The following BMERB1 variants were observed in gnomAD, a reference collection of about 807,000 sequenced individuals.
The protein encoded by BMERB1 is bMERB domain-containing protein 1.
Under a neutral mutation model 23.6 loss-of-function variants are expected in BMERB1, and 12 were observed. The observed-to-expected ratio is 0.51, with a 90% CI of 0.33 to 0.82. The LOEUF is 0.82. Ranked by LOEUF, BMERB1 falls within the 40% of genes least tolerant of loss-of-function variation. The probability of loss-of-function intolerance (pLI) is 0.03; values close to 1 mark genes in which losing one functional copy is unlikely to be tolerated. For synonymous variants in BMERB1, 122 were observed against 96.6 expected (o/e 1.26, Z -1.54); for missense variants, 247 against 255.4 (o/e 0.97, Z 0.22).
At chr16:15,517,381 T>C (rs576160847) in intron 2 of BMERB1, among the ~76,000 whole-genome samples, 1 of 152,210 alleles carries the variant, frequency 6.6e-6, no homozygotes, top group East Asian at 1.9e-4. Context: ...TGTGGTGGCG[T>C]GCGCCTATAA....
rs138674432 is a variant in BMERB1 at position 15,436,756 on chromosome 16, T to G, written c.106+1997T>G. ...TGTATCTCCATGAGGGTCTCTTGTT[T>G]CTTACAAGCTCAAAATAATCTCAAC... On this transcript the variant is annotated intron_variant, in intron 1 of 5. Transcript: ENST00000300006. 6.0e-3 allele frequency among the ~76,000 whole-genome samples: 908 copies of G among 152,148 alleles called. 13 individuals are homozygous for G. The highest frequency in any genetic ancestry group is 0.021 in the African/African-American group (887 of 41,506).
chr16:15,494,856 G>C (rs1003892896), intron 1 of BMERB1, among the ~76,000 whole-genome samples: 1 of 147,998 alleles, frequency 6.8e-6, no homozygotes, highest in Admixed American at 6.7e-5. Context: ...AAGAAATGTT[G>C]GTAAATTTCC....
Position 15,583,194 on chromosome 16 carries a change from G to A in BMERB1, c.458G>A (p.Arg153Lys). ...GACAAGGAAATGGCTGATTTCCTGA[G>A]AATCAAGTTAAAACCTCTAGACAAA... ...EEDKEMADFL[R>K]IKLKPLDKVT... Residue 153 changes from arginine to lysine, a missense_variant, in exon 5 of 6, where the codon AGA (arginine) becomes AAA (lysine). Physicochemically the swap from Arg to Lys is conservative, Grantham distance 26. Coordinates refer to ENST00000300006, the MANE Select transcript of BMERB1 (RefSeq NM_033201.3). 6.2e-7 allele frequency: 1 copy of A among 1,613,802 alleles called. No homozygotes were observed. Among genetic ancestry groups the A allele is most frequent in the Non-Finnish European group, 8.5e-7 (1 of 1,179,750 alleles).
At chr16:15,541,535 T>A (rs2052080033) in intron 2 of BMERB1, among the ~76,000 whole-genome samples, 1 of 148,236 alleles carries the variant, frequency 6.7e-6, no homozygotes, top group African/African-American at 2.5e-5. Flanking sequence ...GTGAGCCTCC[T>A]GCTTCAGCCT....
chr16:15,532,978 CAT>C (rs2051984522), intron 2 of BMERB1: 2 of 455,176 alleles, frequency 4.4e-6, no homozygotes, highest in African/African-American at 4.0e-5. Context: ...CTACCTCTGC[CAT>C]TTATAGGCTG....
intron 1 of BMERB1, among the ~76,000 whole-genome samples, chr16:15,511,373 C>G (rs2150948912): frequency 6.6e-6 from 1 of 152,194 alleles, no homozygotes; most frequent in East Asian, 1.9e-4. Context: ...ATCTTCGGGA[C>G]CCGCCATCTT....
intron 2 of BMERB1, among the ~76,000 whole-genome samples, chr16:15,536,184 C>G (rs1332164278): frequency 6.6e-6 from 1 of 152,076 alleles, no homozygotes; most frequent in Admixed American, 6.6e-5. Flanking sequence ...TGAAGGCTGT[C>G]CAGATGAGAC....
intron 2 of BMERB1, among the ~76,000 whole-genome samples, chr16:15,525,759 C>A (rs915033972): frequency 8.6e-5 from 13 of 151,746 alleles, no homozygotes; most frequent in African/African-American, 2.4e-4. Flanking sequence ...TAAAATAAAT[C>A]TCTTCAGTAG....
chr16:15,577,693 C>T (rs897764503), intron 3 of BMERB1, among the ~76,000 whole-genome samples: 11 of 151,996 alleles, frequency 7.2e-5, no homozygotes, highest in Non-Finnish European at 1.3e-4. Flanking sequence ...GTCTCTCCTC[C>T]CTTCATTTTC....
intron 1 of BMERB1, among the ~76,000 whole-genome samples, chr16:15,483,830 C>T (rs959078729): frequency 3.9e-5 from 6 of 152,094 alleles, no homozygotes; most frequent in South Asian, 2.1e-4. Context: ...TGAGGATTAA[C>T]GATGTAATTA....
chr16:15,547,988 TA>T (rs1267799766), intron 2 of BMERB1, among the ~76,000 whole-genome samples: 4 of 152,118 alleles, frequency 2.6e-5, no homozygotes, highest in African/African-American at 9.7e-5. Flanking sequence ...ATAAAGCACT[TA>T]GGGTGTAAAA....
At chr16:15,509,132 C>T (rs566212276) in intron 1 of BMERB1, among the ~76,000 whole-genome samples, 8 of 152,142 alleles carry the variant, frequency 5.3e-5, no homozygotes, top group Admixed American at 3.3e-4. Context: ...CTTCGTCCCA[C>T]GCCTCGCCCC....
chr16:15,454,658 G>T (rs554539957), intron 1 of BMERB1, among the ~76,000 whole-genome samples: 2 of 152,236 alleles, frequency 1.3e-5, no homozygotes, highest in African/African-American at 4.8e-5. Context: ...CCGGTGTGAT[G>T]GCACATGCTT....
At chr16:15,495,608 T>C (rs1158980310) in intron 1 of BMERB1, among the ~76,000 whole-genome samples, 1 of 151,968 alleles carries the variant, frequency 6.6e-6, no homozygotes, top group Non-Finnish European at 1.5e-5. Flanking sequence ...CCTCGTGATC[T>C]GCCCACCTCG....
chr16:15,492,490 ACTTC>A (rs577318101), intron 1 of BMERB1, among the ~76,000 whole-genome samples: 6 of 152,182 alleles, frequency 3.9e-5, no homozygotes, highest in Non-Finnish European at 7.3e-5. Context: ...GTGTATAGTG[ACTTC>A]CTTCCAAAGA....
At chr16:15,523,665 C>G (rs976539812) in intron 2 of BMERB1, among the ~76,000 whole-genome samples, 1 of 152,166 alleles carries the variant, frequency 6.6e-6, no homozygotes, top group Non-Finnish European at 1.5e-5. Flanking sequence ...CTCGGCTTCC[C>G]CATCAGTACA....
chr16:15,583,685 G>C (rs1454017923), intron 5 of BMERB1, among the ~76,000 whole-genome samples: 1 of 152,186 alleles, frequency 6.6e-6, no homozygotes, highest in Non-Finnish European at 1.5e-5. Flanking sequence ...TTCAGCATGG[G>C]ATGACAGCAG....
At position 15,583,956 on chromosome 16, in the gene BMERB1, T is replaced by C. The variant is rs796806807; in HGVS notation, c.502+718T>C. The C allele has an allele frequency of 1.3e-5, 9 of 696,964 alleles. 1 individual carries two copies. The highest frequency in any genetic ancestry group is 1.2e-4 in the African/African-American group (7 of 56,920). The allele number at this position is 696,964 out of a possible 1,614,324, so 43.2% of individuals were successfully genotyped here. Reference sequence around the variant, plus strand: ...TAATTGCAAAGTTTGGTGCATTTCATAGAAAGAATTGGGTAGCTACTGAGG... The same window carrying C: ...TAATTGCAAAGTTTGGTGCATTTCACAGAAAGAATTGGGTAGCTACTGAGG... On this transcript the variant is annotated intron_variant, in intron 5 of 5. Coordinates refer to ENST00000300006, the MANE Select transcript of BMERB1 (RefSeq NM_033201.3).
At chr16:15,567,025 A>G (rs887520804) in intron 2 of BMERB1, among the ~76,000 whole-genome samples, 4 of 151,784 alleles carry the variant, frequency 2.6e-5, no homozygotes, top group African/African-American at 9.7e-5. Context: ...TCTACAAAAA[A>G]CTGTTTAAAA....
Sources: gnomAD v4.1 joint callset for allele counts (sites outside exome capture counted in the v4.1 genomes callset) on GRCh38, gnomAD v4.1.1 for gene constraint, MANE v1.5 for transcripts, NCBI Gene and HGNC (gene_info 2026-07-23, HGNC 2026-07-21) for gene names.